The following DLG2 variants were observed in gnomAD, a reference collection of about 807,000 sequenced individuals.
DLG2 encodes the protein discs large MAGUK scaffold protein 2, also known as disks large homolog 2.
A neutral mutation model predicts 132.5 loss-of-function variants in DLG2; 45 were observed. The ratio of observed to expected loss-of-function variants is 0.34; its 90% CI spans 0.27 to 0.44. The LOEUF is 0.44. DLG2 is among the 20% of genes least tolerant of loss of function. DLG2 has a pLI of 1.00. For missense variants in DLG2, 1,045 were observed against 1,196.9 expected (o/e 0.87, Z 1.87); for synonymous variants, 424 against 419.6 (o/e 1.01, Z -0.13).
chr11:83,484,108 T>TATC, intron 22 of DLG2, 21 bp downstream of exon 22: 1 of 1,599,080 alleles, frequency 6.3e-7, no homozygotes. Context: ...CATGTGACAT[T>TATC]ATCTTTCAGA....
intron 6 of DLG2, among the ~76,000 whole-genome samples, chr11:85,091,094 C>T (rs1266163490): frequency 6.6e-6 from 1 of 152,300 alleles, no homozygotes; most frequent in Non-Finnish European, 1.5e-5. Flanking sequence ...AGATTTGCCC[C>T]TACAACCCAA....
At chr11:83,818,693 G>A (rs143597178) in intron 17 of DLG2, among the ~76,000 whole-genome samples, 41 of 152,260 alleles carry the variant, frequency 2.7e-4, no homozygotes, top group African/African-American at 9.6e-4. Flanking sequence ...GGGTATGAAA[G>A]CTATATATAT....
chr11:84,131,379 C>T (rs906711393), intron 9 of DLG2, among the ~76,000 whole-genome samples: 21 of 151,834 alleles, frequency 1.4e-4, no homozygotes, highest in Non-Finnish European at 7.4e-5. Flanking sequence ...TTGTATGTTG[C>T]GTACTTGTAT....
At chr11:84,487,239 A>T (rs2099153426) in intron 7 of DLG2, among the ~76,000 whole-genome samples, 1 of 152,174 alleles carries the variant, frequency 6.6e-6, no homozygotes, top group Non-Finnish European at 1.5e-5. Context: ...ATGAGTACCG[A>T]TGACAAACTC....
chr11:85,456,227 C>A (rs1481346357), intron 3 of DLG2, among the ~76,000 whole-genome samples: 1 of 152,050 alleles, frequency 6.6e-6, no homozygotes, highest in Non-Finnish European at 1.5e-5. Context: ...TTATCCATTT[C>A]TTTTAGGTTT....
intron 9 of DLG2, among the ~76,000 whole-genome samples, chr11:84,121,299 C>A (rs2093899353): frequency 6.6e-6 from 1 of 152,086 alleles, no homozygotes; most frequent in African/African-American, 2.4e-5. Flanking sequence ...TTATTATGTT[C>A]CCATCTTGTT....
intron 3 of DLG2, among the ~76,000 whole-genome samples, chr11:85,580,332 G>T (rs1565712512): frequency 6.6e-6 from 1 of 152,124 alleles, no homozygotes; most frequent in Non-Finnish European, 1.5e-5. Flanking sequence ...CCAAATCATG[G>T]CCCAGAAGTA....
chr11:85,399,815 A>C lies in DLG2; in HGVS notation c.41-114450T>G, dbSNP rs373705908. On this transcript the variant is annotated intron_variant, in intron 3 of 27. Coordinates refer to ENST00000376104, the MANE Select transcript of DLG2 (RefSeq NM_001142699.3). ...TTAAAGACTTAAATGTTAGACCTAAAACCATAAAAACCCTAGAAGAAAACC... is the reference window on the plus strand; with the variant it reads ...TTAAAGACTTAAATGTTAGACCTAACACCATAAAAACCCTAGAAGAAAACC... 1.2e-4 allele frequency among the ~76,000 whole-genome samples: 19 copies of C among 152,284 alleles called. No individual in the cohort carries two copies. The East Asian group carries it at 3.7e-3, about 29-fold the overall frequency.
chr11:83,781,541 G>T (rs184486975), intron 18 of DLG2, among the ~76,000 whole-genome samples: 29 of 151,890 alleles, frequency 1.9e-4, no homozygotes, highest in Middle Eastern at 3.4e-3. Context: ...AAGAATAAAG[G>T]GTGGATGAAA....
intron 7 of DLG2, among the ~76,000 whole-genome samples, chr11:84,378,132 T>A (rs1432620434): frequency 6.6e-6 from 1 of 152,162 alleles, no homozygotes; most frequent in East Asian, 1.9e-4. Flanking sequence ...TATTTGGAGA[T>A]GGGGCCCCTA....
At chr11:85,302,490 T>C (rs2079648612) in intron 3 of DLG2, among the ~76,000 whole-genome samples, 1 of 152,052 alleles carries the variant, frequency 6.6e-6, no homozygotes, top group African/African-American at 2.4e-5. Context: ...TTCCTACAGA[T>C]AAGCTATCCC....
intron 5 of DLG2, among the ~76,000 whole-genome samples, chr11:85,145,712 G>T (rs771072181): frequency 1.1e-4 from 16 of 151,908 alleles, no homozygotes; most frequent in Non-Finnish European, 1.9e-4. Flanking sequence ...TTAAATTTCT[G>T]GGATAAGATT....
intron 9 of DLG2, among the ~76,000 whole-genome samples, chr11:84,129,653 T>G (rs1324325215): frequency 1.3e-5 from 2 of 151,982 alleles, no homozygotes; most frequent in Non-Finnish European, 2.9e-5. Flanking sequence ...ACTAAATTCA[T>G]TTACCCTGAA....
intron 21 of DLG2, among the ~76,000 whole-genome samples, chr11:83,508,226 TC>T (rs761517162): frequency 2.0e-5 from 3 of 151,288 alleles, no homozygotes; most frequent in Admixed American, 6.6e-5. Flanking sequence ...TGTGTCTTTT[TC>T]CCATTTAGAA....
At chr11:83,713,878 G>T (rs2086069184) in intron 18 of DLG2, among the ~76,000 whole-genome samples, 1 of 152,194 alleles carries the variant, frequency 6.6e-6, no homozygotes, top group South Asian at 2.1e-4. Context: ...ACTTGCGAAT[G>T]TGCAAGGATG....
chr11:85,487,489 C>A (rs2093456146), intron 3 of DLG2, among the ~76,000 whole-genome samples: 1 of 143,282 alleles, frequency 7.0e-6, no homozygotes, highest in African/African-American at 2.6e-5. Flanking sequence ...TAAAAAGAAC[C>A]AAATAGAACT....
intron 7 of DLG2, among the ~76,000 whole-genome samples, chr11:84,388,896 T>C (rs1171233660): frequency 6.6e-6 from 1 of 152,172 alleles, no homozygotes; most frequent in Non-Finnish European, 1.5e-5. Flanking sequence ...AATTCTTGGA[T>C]GTCACTCTGA....
chr11:83,703,730 T>C (rs2083382239), intron 18 of DLG2, among the ~76,000 whole-genome samples: 1 of 152,180 alleles, frequency 6.6e-6, no homozygotes, highest in Non-Finnish European at 1.5e-5. Context: ...AAAGCTTTGG[T>C]TTTTAGATGA....
rs1163275954 is a variant in DLG2, at chr11:84,741,056, C to CTTTTTT, written c.358-206331_358-206326dup. Among the ~76,000 whole-genome samples, 23 of 79,330 alleles carry CTTTTTT rather than the reference C, an allele frequency of 2.9e-4. 3 individuals carry two copies. The highest frequency in any genetic ancestry group is 1.1e-3 in the African/African-American group (19 of 17,286). The allele number at this position is 79,330 out of a possible 152,430, so 52.0% of individuals were successfully genotyped here. Reference sequence around the variant, plus strand: ...GACCAAACAACTGTGTGCCTATGCTCTTTTTTTTTTTTTTTTTTTTTTTTT... The same window carrying CTTTTTT: ...GACCAAACAACTGTGTGCCTATGCTCTTTTTTTTTTTTTTTTTTTTTTTTTTTTTTT... On this transcript the variant is annotated intron_variant, in intron 6 of 27. Transcript: ENST00000376104.
Sources: allele counts gnomAD v4.1 joint callset (sites outside exome capture counted in the v4.1 genomes callset), GRCh38; gene constraint gnomAD v4.1.1; transcripts MANE v1.5; gene names NCBI Gene and HGNC (gene_info 2026-07-23, HGNC 2026-07-21).